The following RASA3 variants were observed in gnomAD, a reference collection of about 807,000 sequenced individuals.
RASA3 encodes RAS p21 protein activator 3, also known as ras GTPase-activating protein 3.
Under a neutral mutation model 110.0 loss-of-function variants are expected in RASA3, and 73 were observed. That is an observed-to-expected ratio of 0.66 (90% CI 0.55 to 0.81). The LOEUF (loss-of-function observed/expected upper bound fraction) is 0.81. Among genes scored for constraint, RASA3 ranks in the 30% least tolerant of loss-of-function variants. The probability of loss-of-function intolerance (pLI) is 0.00; values close to 1 mark genes in which losing one functional copy is unlikely to be tolerated. For missense variants in RASA3, 976 were observed against 1,113.2 expected (o/e 0.88, Z 1.75); for synonymous variants, 500 against 451.4 (o/e 1.11, Z -1.37).
intron 1 of RASA3, among the ~76,000 whole-genome samples, chr13:114,081,374 T>C (rs6560959): frequency 0.92 from 140,492 of 152,274 alleles, 65,446 homozygotes; most frequent in Non-Finnish European, 1. Flanking sequence ...GCAGTATAAC[T>C]CTCAAGGCGC....
In RASA3 at chr13:114,016,181, C is replaced by A; in HGVS notation, c.1281+16G>T. Reference sequence around the variant, plus strand: ...AGCAGGTGACTGGCTTTGGTTGGTTCATGAACAAAACCTACCATGTTGTTT... The same window carrying A: ...AGCAGGTGACTGGCTTTGGTTGGTTAATGAACAAAACCTACCATGTTGTTT... On this transcript the variant is annotated intron_variant, in intron 13 of 23. Transcript: ENST00000334062. 1 of 1,560,984 alleles carries A rather than the reference C, an allele frequency of 6.4e-7. No homozygotes were observed. Among genetic ancestry groups the A allele is most frequent in the Non-Finnish European group, 8.8e-7 (1 of 1,132,186 alleles).
At chr13:114,052,573 C>T (rs902579858) in intron 2 of RASA3, among the ~76,000 whole-genome samples, 2 of 152,340 alleles carry the variant, frequency 1.3e-5, no homozygotes, top group South Asian at 2.1e-4. Context: ...TGCCTTGGAC[C>T]GCTCCTTTTA....
At chr13:114,000,983 C>T (rs748285704) in intron 18 of RASA3, 51 bp from the exon 19 acceptor site, 1 of 1,288,946 alleles carries the variant, frequency 7.8e-7, no homozygotes, top group South Asian at 1.2e-5. Context: ...TGCCTCCCTG[C>T]ACAGGTGAAA....
At chr13:114,018,424 G>A (rs574774710) in intron 10 of RASA3, among the ~76,000 whole-genome samples, 172 bp from the exon 11 acceptor site, 30 of 152,284 alleles carry the variant, frequency 2.0e-4, no homozygotes, top group African/African-American at 6.5e-4. Context: ...CTGCTTGGCT[G>A]GACCCTTGGA....
chr13:114,064,236 G>A (rs9525231), intron 2 of RASA3, among the ~76,000 whole-genome samples: 47,657 of 152,094 alleles, frequency 0.31, 8,308 homozygotes, highest in East Asian at 0.5. Context: ...GGCCAGCCAC[G>A]TCCACCTCGA....
At chr13:114,124,045 C>T (rs2139796089) in intron 1 of RASA3, among the ~76,000 whole-genome samples, 1 of 152,292 alleles carries the variant, frequency 6.6e-6, no homozygotes. Context: ...TGTCTCCTGA[C>T]CCAGCCCCCC....
rs545499088 is a variant in RASA3 at position 114,001,829 on chromosome 13, C to T, written c.1743-897G>A. Among the ~76,000 whole-genome samples, 877 of 152,356 alleles carry T rather than the reference C, an allele frequency of 5.8e-3. 1 individual carries two copies. Among genetic ancestry groups the T allele is most frequent in the African/African-American group, 0.017 (701 of 41,586 alleles). ...CCACAAAACCCACACCTGTGTTGTG[C>T]GGGAGTCACGCACCAGCGCCTCTGC... is the stretch of plus-strand genomic sequence containing the variant. On this transcript the variant is annotated intron_variant, in intron 18 of 23. Transcript: ENST00000334062.
chr13:114,110,703 G>A (rs1051138211), intron 1 of RASA3, among the ~76,000 whole-genome samples: 2 of 152,212 alleles, frequency 1.3e-5, no homozygotes, highest in Non-Finnish European at 2.9e-5. Context: ...ACCTGCACAG[G>A]GCATGACACG....
At position 114,018,154 on chromosome 13, in the gene RASA3, C is replaced by G; in HGVS notation, c.1041G>C (p.Arg347Ser). Reference sequence around the variant, plus strand: ...CGATGGCACTGATGAATGGCACCACCCTGCCATAGTGTAGGAAGAGCCGCA... The same window carrying G: ...CGATGGCACTGATGAATGGCACCACGCTGCCATAGTGTAGGAAGAGCCGCA... The part of the protein sequence containing the change: ...PLVRLFLHYG[R>S]VVPFISAIAS... The change falls in exon 11 of 24, where the codon AGG (arginine) becomes AGC (serine). Residue 347 changes from arginine to serine, a missense_variant. Coordinates refer to ENST00000334062, the MANE Select transcript of RASA3 (RefSeq NM_007368.4). 6.4e-7 allele frequency: 1 copy of G among 1,550,654 alleles called. No individual in the cohort carries two copies. Among genetic ancestry groups the G allele is most frequent in the Non-Finnish European group, 8.7e-7 (1 of 1,147,030 alleles).
intron 3 of RASA3, among the ~76,000 whole-genome samples, chr13:114,042,325 C>T (rs779708019): frequency 4.6e-5 from 7 of 152,274 alleles, no homozygotes; most frequent in Non-Finnish European, 1.0e-4. Context: ...TGAGCACCCA[C>T]GGCAGCACAT....
chr13:114,023,899 G>A (rs1300341742), intron 8 of RASA3, among the ~76,000 whole-genome samples: 1 of 152,222 alleles, frequency 6.6e-6, no homozygotes, highest in Admixed American at 6.5e-5. Context: ...AGTGGGTCCT[G>A]CTCGGTCAGG....
intron 2 of RASA3, among the ~76,000 whole-genome samples, chr13:114,064,832 A>G (rs1275047390): frequency 6.6e-6 from 1 of 152,072 alleles, no homozygotes; most frequent in Non-Finnish European, 1.5e-5. Flanking sequence ...GGCGGCCCCC[A>G]CTCACCGCCC....
chr13:114,055,550 G>T (rs903457406), intron 2 of RASA3, among the ~76,000 whole-genome samples: 1 of 152,250 alleles, frequency 6.6e-6, no homozygotes, highest in Admixed American at 6.5e-5. Flanking sequence ...CTCAGGTGAC[G>T]AGCTACTCAC....
rs1207848753 is a variant in RASA3 at position 114,115,742 on chromosome 13, T to C, written c.55+16693A>G. On this transcript the variant is annotated intron_variant, in intron 1 of 23. Coordinates refer to ENST00000334062, the MANE Select transcript of RASA3 (RefSeq NM_007368.4). The surrounding 1 kb of genome is among the most constrained non-coding windows in gnomAD (Gnocchi z 5.0). Reference sequence around the variant, plus strand: ...GCCGCAGTCTCCTACCTCTATTGCTTCTCAAGGGAAAAGCACAGCCTGGAA... The same window carrying C: ...GCCGCAGTCTCCTACCTCTATTGCTCCTCAAGGGAAAAGCACAGCCTGGAA... Among the ~76,000 whole-genome samples, 1 of 152,148 alleles carries C rather than the reference T, an allele frequency of 6.6e-6. No individual in the cohort carries two copies. Among genetic ancestry groups the C allele is most frequent in the Non-Finnish European group, 1.5e-5 (1 of 68,032 alleles).
chr13:114,101,105 C>T (rs1402698959), intron 1 of RASA3, among the ~76,000 whole-genome samples: 1 of 152,144 alleles, frequency 6.6e-6, no homozygotes, highest in Non-Finnish European at 1.5e-5. Flanking sequence ...ATGGCCTGTG[C>T]AGTCACCAGC....
chr13:114,102,753 CCA>C (rs1410687448), intron 1 of RASA3, among the ~76,000 whole-genome samples: 3 of 152,206 alleles, frequency 2.0e-5, no homozygotes, highest in Admixed American at 6.5e-5. Flanking sequence ...CCCGACTAAA[CCA>C]CCTCTGTCCT....
intron 1 of RASA3, among the ~76,000 whole-genome samples, chr13:114,076,379 AAC>A (rs2079681860): frequency 6.6e-6 from 1 of 152,184 alleles, no homozygotes; most frequent in African/African-American, 2.4e-5. Flanking sequence ...TGCATGGGAG[AAC>A]ACAGCTAGGC....
In RASA3 at chr13:114,041,097, G is replaced by A. The variant is rs2054395917; in HGVS notation, c.278-3C>T. 2 of 1,613,320 alleles carry A rather than the reference G, an allele frequency of 1.2e-6. No homozygotes were observed. The highest frequency in any genetic ancestry group is 1.1e-5 in the South Asian group (1 of 91,080). ...CTCCTTCTGGATGGCCACCTTCCCTGCAACACAAGCAGAGAAGACTTCACC... is the reference window on the plus strand; with the variant it reads ...CTCCTTCTGGATGGCCACCTTCCCTACAACACAAGCAGAGAAGACTTCACC... On this transcript the variant is annotated splice_polypyrimidine_tract_variant and splice_region_variant and intron_variant, in intron 3 of 23. Transcript: ENST00000334062.
intron 1 of RASA3, among the ~76,000 whole-genome samples, chr13:114,126,688 G>A (rs1302360552): frequency 6.6e-6 from 1 of 152,156 alleles, no homozygotes; most frequent in African/African-American, 2.4e-5. Flanking sequence ...CATTACAGAC[G>A]AACAGATAGC....
Sources: allele counts gnomAD v4.1 joint callset (sites outside exome capture counted in the v4.1 genomes callset), GRCh38; gene constraint gnomAD v4.1.1; non-coding constraint Gnocchi (gnomAD v3.1); transcripts MANE v1.5; gene names NCBI Gene and HGNC (gene_info 2026-07-23, HGNC 2026-07-21).